The following CTNNA3 variants were observed in gnomAD, a reference collection of about 807,000 sequenced individuals.
CTNNA3 encodes catenin alpha-3.
In CTNNA3, 76 loss-of-function variants were observed where a neutral mutation model predicts 95.7. The observed-to-expected ratio is 0.79, with a 90% confidence interval of 0.66 to 0.96. The LOEUF is 0.96. Among genes scored for constraint, CTNNA3 ranks in the 40% least tolerant of loss-of-function variants. The pLI, the probability that CTNNA3 is intolerant of heterozygous loss-of-function variation, is 0.00. For synonymous variants in CTNNA3, 431 were observed against 374.4 expected (o/e 1.15, Z -1.74); for missense variants, 1,191 against 1,089.8 (o/e 1.09, Z -1.31).
chr10:67,638,450 T>C (rs1031337425), intron 2 of CTNNA3, among the ~76,000 whole-genome samples: 50 of 152,048 alleles, frequency 3.3e-4, no homozygotes, highest in African/African-American at 1.1e-3. Context: ...GACAGATCAG[T>C]GAGACAGAAA....
chr10:66,933,740 AG>A (rs34639662), intron 7 of CTNNA3, among the ~76,000 whole-genome samples: 6,615 of 152,276 alleles, frequency 0.043, 176 homozygotes, highest in Middle Eastern at 0.085. Flanking sequence ...ATAAATGTAC[AG>A]GGACTTCCTT....
chr10:66,810,575 C>A (rs536908627), intron 7 of CTNNA3, among the ~76,000 whole-genome samples: 1 of 152,130 alleles, frequency 6.6e-6, no homozygotes, highest in African/African-American at 2.4e-5. Context: ...TTTGTGGTTT[C>A]CCATGTTGCT....
chr10:66,216,234 G>A (rs1015683441), intron 13 of CTNNA3, among the ~76,000 whole-genome samples: 4 of 152,156 alleles, frequency 2.6e-5, no homozygotes, highest in African/African-American at 7.2e-5. Flanking sequence ...ACTTCAATCC[G>A]ATCTTTGTAT....
chr10:66,559,429 A>T (rs1398516896), intron 10 of CTNNA3, among the ~76,000 whole-genome samples: 1 of 149,704 alleles, frequency 6.7e-6, no homozygotes, highest in East Asian at 2.0e-4. Flanking sequence ...ACATTTTGCA[A>T]TGTTGCAGCT....
intron 1 of CTNNA3, among the ~76,000 whole-genome samples, chr10:67,682,525 G>A (rs940360100): frequency 6.6e-6 from 1 of 152,136 alleles, no homozygotes; most frequent in African/African-American, 2.4e-5. Context: ...GGTATCATCA[G>A]TGCTGTTTAA....
chr10:67,595,100 T>A (rs1295606047), intron 3 of CTNNA3, among the ~76,000 whole-genome samples: 1 of 152,192 alleles, frequency 6.6e-6, no homozygotes. Context: ...ATCATGCATA[T>A]ACACACCAAA....
At chr10:67,124,939 C>G (rs1484026252) in intron 7 of CTNNA3, among the ~76,000 whole-genome samples, 1 of 152,058 alleles carries the variant, frequency 6.6e-6, no homozygotes, top group Non-Finnish European at 1.5e-5. Flanking sequence ...TCTACAAGGA[C>G]TGAATTAGGC....
At chr10:67,725,863 T>C (rs1363713719) in intron 1 of CTNNA3, among the ~76,000 whole-genome samples, 1 of 146,788 alleles carries the variant, frequency 6.8e-6, no homozygotes, top group Admixed American at 7.1e-5. Context: ...AGGTGTACCT[T>C]CCTCAACAGT....
intron 5 of CTNNA3, among the ~76,000 whole-genome samples, chr10:67,493,038 A>C (rs544904427): frequency 2.0e-5 from 3 of 152,318 alleles, no homozygotes; most frequent in Non-Finnish European, 4.4e-5. Flanking sequence ...TGTTAATAAT[A>C]GATTGCCCTA....
chr10:66,102,372 T>C (rs1231816005), intron 14 of CTNNA3, among the ~76,000 whole-genome samples: 3 of 152,152 alleles, frequency 2.0e-5, no homozygotes, highest in African/African-American at 4.8e-5. Flanking sequence ...ATTCCCACAG[T>C]AATCCTCATA....
chr10:66,910,051 A>G (rs1425521677), intron 7 of CTNNA3, among the ~76,000 whole-genome samples: 1 of 152,202 alleles, frequency 6.6e-6, no homozygotes, highest in Non-Finnish European at 1.5e-5. Context: ...CTTATGAGGA[A>G]GTCACCAAAA....
chr10:66,398,389 C>A (rs2132550894), intron 11 of CTNNA3, among the ~76,000 whole-genome samples: 1 of 152,040 alleles, frequency 6.6e-6, no homozygotes, highest in African/African-American at 2.4e-5. Context: ...GAATAGCAGT[C>A]ATATGCCCAG....
At chr10:66,379,450 AGAGTGCACATTGGAAATG>A in intron 11 of CTNNA3, 98 bp from the exon 12 acceptor site, 1 of 995,882 alleles carries the variant, frequency 1.0e-6, no homozygotes, top group Non-Finnish European at 1.5e-6. Flanking sequence ...GACTTCAGAT[AGAGTGCACATTGGAAATG>A]GAAGACTTTG....
At chr10:67,309,165 G>C (rs968132026) in intron 5 of CTNNA3, among the ~76,000 whole-genome samples, 6 of 151,418 alleles carry the variant, frequency 4.0e-5, no homozygotes, top group Non-Finnish European at 8.8e-5. Flanking sequence ...CTATTTTTTT[G>C]TGGCTGTCAC....
intron 1 of CTNNA3, among the ~76,000 whole-genome samples, chr10:67,728,300 A>T (rs2133629572): frequency 6.7e-6 from 1 of 149,104 alleles, no homozygotes; most frequent in East Asian, 2.0e-4. Flanking sequence ...CAAAAATACA[A>T]AAATTAGCCA....
intron 1 of CTNNA3, among the ~76,000 whole-genome samples, chr10:67,680,731 A>G (rs887144157): frequency 1.3e-5 from 2 of 152,246 alleles, no homozygotes; most frequent in African/African-American, 4.8e-5. Context: ...ATAACTTTTT[A>G]CTTTAAGAAA....
chr10:66,105,605 C>G (rs1411531089), intron 13 of CTNNA3, among the ~76,000 whole-genome samples: 1 of 152,202 alleles, frequency 6.6e-6, no homozygotes, highest in Non-Finnish European at 1.5e-5. Context: ...GTCACAAGTG[C>G]CATTTTTGTT....
At chr10:66,529,450 GT>G (rs58249940) in intron 10 of CTNNA3, among the ~76,000 whole-genome samples, 2,015 of 141,572 alleles carry the variant, frequency 0.014, 28 homozygotes, top group Middle Eastern at 0.026. Flanking sequence ...TTTTTTTTTT[GT>G]TTTTTTTTTT....
intron 7 of CTNNA3, among the ~76,000 whole-genome samples, chr10:67,065,287 A>C (rs1323141877): frequency 6.6e-6 from 1 of 152,174 alleles, no homozygotes; most frequent in East Asian, 1.9e-4. Context: ...CTGTTTCATC[A>C]TTTAAAAACC....
Sources: gnomAD v4.1 joint callset for allele counts (sites outside exome capture counted in the v4.1 genomes callset) on GRCh38, gnomAD v4.1.1 for gene constraint, MANE v1.5 for transcripts, NCBI Gene and HGNC (gene_info 2026-07-23, HGNC 2026-07-21) for gene names.